CTNND2: variants seen among roughly 807,000 people sequenced by gnomAD.
CTNND2 encodes catenin delta-2.
In CTNND2, 22 loss-of-function variants were observed where a neutral mutation model predicts 144.4. The ratio of observed to expected loss-of-function variants is 0.15; its 90% CI spans 0.11 to 0.22. CTNND2 has a LOEUF of 0.22. CTNND2 is among the 10% of genes least tolerant of loss of function. The pLI is 1.00. For missense variants in CTNND2, 1,353 were observed against 1,618.8 expected (o/e 0.84, Z 2.82); for synonymous variants, 751 against 695.6 (o/e 1.08, Z -1.25).
At chr5:11,585,279 T>C (rs909173907) in intron 2 of CTNND2, among the ~76,000 whole-genome samples, 2 of 152,294 alleles carry the variant, frequency 1.3e-5, no homozygotes, top group African/African-American at 4.8e-5. Flanking sequence ...ATCTGCTGCC[T>C]GTAACTGACC....
At chr5:11,379,830 C>G (rs149317400) in intron 7 of CTNND2, among the ~76,000 whole-genome samples, 22 of 152,280 alleles carry the variant, frequency 1.4e-4, no homozygotes, top group Non-Finnish European at 2.9e-4. Context: ...TGTCAGTTGT[C>G]TGCTGGATGG....
intron 3 of CTNND2, among the ~76,000 whole-genome samples, chr5:11,558,341 C>T (rs994164153): frequency 1.5e-5 from 2 of 132,120 alleles, no homozygotes; most frequent in African/African-American, 5.7e-5. Flanking sequence ...GTGAGAAACA[C>T]GTGTGTGTGT....
Position 11,903,502 on chromosome 5 carries a change from G to T in CTNND2, c.37+315C>A. 1.5e-6 allele frequency: 1 copy of T among 674,540 alleles called. No individual in the cohort carries two copies. The highest frequency in any genetic ancestry group is 2.1e-6 in the Non-Finnish European group (1 of 483,694). The allele number at this position is 674,540 out of a possible 1,614,324, so 41.8% of individuals were successfully genotyped here. On this transcript the variant is annotated intron_variant, in intron 1 of 21. Transcript: ENST00000304623. The surrounding 1 kb of genome is among the most constrained non-coding windows in gnomAD (Gnocchi z 5.4). ...GAGTATGTTCTCAGGGTGGCGGGGA[G>T]CAGCATTGTCGGTGTTGCCCTAAAT...
rs1010208793 is a variant in CTNND2, at chr5:11,537,097, C to T, written c.287+27847G>A. ...ATTAGTCTCTAGTAACCCCTCCAAT[C>T]ATTCTGCTACACTCCCAATTTTACA... On this transcript the variant is annotated intron_variant, in intron 3 of 21. Transcript: ENST00000304623. Among the ~76,000 whole-genome samples the T allele has an allele frequency of 1.1e-4, 16 of 151,978 alleles. No homozygotes were observed. The East Asian group carries it at 2.1e-3, about 20-fold the overall frequency.
At position 11,836,179 on chromosome 5, in the gene CTNND2, G is replaced by C. The variant is rs1794164617; in HGVS notation, c.37+67638C>G. ...CTCCATGTTGGTTGGGCCACGTCAAGAACAGAGCAAAATGTTTCATCAATG... is the reference window on the plus strand; with the variant it reads ...CTCCATGTTGGTTGGGCCACGTCAACAACAGAGCAAAATGTTTCATCAATG... On this transcript the variant is annotated intron_variant, in intron 1 of 21. Transcript: ENST00000304623. Among the ~76,000 whole-genome samples the C allele has an allele frequency of 4.6e-5, 7 of 152,178 alleles. No individual in the cohort carries two copies. The South Asian group carries it at 1.2e-3, about 27-fold the overall frequency.
chr5:11,108,887 A>C (rs573059550), intron 14 of CTNND2, among the ~76,000 whole-genome samples: 38 of 152,320 alleles, frequency 2.5e-4, no homozygotes, highest in African/African-American at 8.7e-4. Flanking sequence ...GGTGAAAACA[A>C]ACCAAAAAAT....
At chr5:11,024,313 AT>A in intron 16 of CTNND2, among the ~76,000 whole-genome samples, 1 of 152,224 alleles carries the variant, frequency 6.6e-6, no homozygotes. Flanking sequence ...CATTCACTTG[AT>A]GATAGCTGAG....
intron 9 of CTNND2, among the ~76,000 whole-genome samples, chr5:11,250,343 T>G (rs188222857): frequency 6.6e-6 from 1 of 151,856 alleles, no homozygotes; most frequent in African/African-American, 2.4e-5. Context: ...TTTCTACCCA[T>G]TGATAAAGTC....
At chr5:11,213,258 C>T (rs1186012501) in intron 10 of CTNND2, among the ~76,000 whole-genome samples, 1 of 151,978 alleles carries the variant, frequency 6.6e-6, no homozygotes, top group South Asian at 2.1e-4. Context: ...GGGTGGAGGC[C>T]GCTGGGATCC....
At chr5:11,454,134 A>G (rs1765518700) in intron 3 of CTNND2, among the ~76,000 whole-genome samples, 1 of 152,264 alleles carries the variant, frequency 6.6e-6, no homozygotes, top group South Asian at 2.1e-4. Flanking sequence ...TTATAAAAAC[A>G]TAATAGGGCC....
chr5:11,793,441 T>C (rs1463323187), intron 1 of CTNND2, among the ~76,000 whole-genome samples: 2 of 152,196 alleles, frequency 1.3e-5, no homozygotes, highest in Non-Finnish European at 2.9e-5. Flanking sequence ...TGTGACCCTA[T>C]TTGGAAATAG....
chr5:11,253,162 C>G (rs764485858), intron 9 of CTNND2, among the ~76,000 whole-genome samples: 1 of 152,060 alleles, frequency 6.6e-6, no homozygotes, highest in Non-Finnish European at 1.5e-5. Flanking sequence ...AGTTCTTACA[C>G]CTCTCCTTTT....
chr5:11,588,124 C>A (rs902276399), intron 2 of CTNND2, among the ~76,000 whole-genome samples: 2 of 152,054 alleles, frequency 1.3e-5, no homozygotes, highest in Non-Finnish European at 2.9e-5. Flanking sequence ...TATTCTAGTT[C>A]TAGTATAAAC....
intron 11 of CTNND2, among the ~76,000 whole-genome samples, chr5:11,178,439 G>C (rs182863800): frequency 9.8e-5 from 15 of 152,288 alleles, no homozygotes; most frequent in African/African-American, 3.6e-4. Context: ...GAACATCATG[G>C]AAACAATCAT....
chr5:11,415,085 C>G (rs258831), intron 3 of CTNND2, among the ~76,000 whole-genome samples: 52,285 of 152,050 alleles, frequency 0.34, 13,591 homozygotes, highest in African/African-American at 0.74. Context: ...CTTTATGGTA[C>G]AATAATTCAT....
intron 10 of CTNND2, among the ~76,000 whole-genome samples, chr5:11,217,893 G>A (rs1739364835): frequency 6.6e-6 from 1 of 152,122 alleles, no homozygotes; most frequent in Non-Finnish European, 1.5e-5. Flanking sequence ...AGCAGTTTGT[G>A]GATCTTAGGC....
At chr5:11,260,337 C>G (rs997163111) in intron 9 of CTNND2, among the ~76,000 whole-genome samples, 1 of 151,898 alleles carries the variant, frequency 6.6e-6, no homozygotes, top group African/African-American at 2.4e-5. Flanking sequence ...TATAAAATAA[C>G]GACATATTTT....
In CTNND2 at chr5:10,988,831, G is replaced by T. The variant is rs928032413; in HGVS notation, c.3212-589C>A. Among the ~76,000 whole-genome samples, 30 of 152,230 alleles carry T rather than the reference G, an allele frequency of 2.0e-4. 1 individual carries two copies. Among genetic ancestry groups the T allele is most frequent in the African/African-American group, 6.0e-4 (25 of 41,536 alleles). ...AAGACCTTCTTTGTCTGTGGCTGGG[G>T]TGGGCTGGGGAGGGGCATGGAGGCA... On this transcript the variant is annotated intron_variant, in intron 19 of 21. Transcript: ENST00000304623. This position sits in a 1 kb window ranked among gnomAD's most constrained non-coding sequence, Gnocchi z 5.9.
At chr5:11,235,983 T>A (rs1211805172) in intron 10 of CTNND2, among the ~76,000 whole-genome samples, 2 of 152,236 alleles carry the variant, frequency 1.3e-5, no homozygotes. Flanking sequence ...AAATGACTAC[T>A]CAGTTCCTTA....
Sources: allele counts gnomAD v4.1 joint callset (sites outside exome capture counted in the v4.1 genomes callset), GRCh38; gene constraint gnomAD v4.1.1; non-coding constraint Gnocchi (gnomAD v3.1); transcripts MANE v1.5; gene names NCBI Gene and HGNC (gene_info 2026-07-23, HGNC 2026-07-21).